DPP6: variants seen among roughly 807,000 people sequenced by gnomAD.
DPP6 encodes the protein dipeptidyl peptidase like 6.
DPP6 carries 69 observed loss-of-function variants against 122.6 expected under a neutral mutation model. The ratio of observed to expected loss-of-function variants is 0.56; its 90% confidence interval spans 0.46 to 0.69. DPP6 has a LOEUF of 0.69. Ranked by LOEUF, DPP6 falls within the 30% of genes least tolerant of loss-of-function variation. The pLI is 0.00. For missense variants in DPP6, 928 were observed against 1,116.9 expected (o/e 0.83, Z 2.41); for synonymous variants, 418 against 433.1 (o/e 0.97, Z 0.43).
intron 17 of DPP6, among the ~76,000 whole-genome samples, chr7:154,854,486 C>T (rs1802657985): frequency 6.6e-6 from 1 of 151,942 alleles, no homozygotes; most frequent in South Asian, 2.1e-4. Context: ...AAGATCCTTG[C>T]TGAAGGCAGG....
intron 1 of DPP6, among the ~76,000 whole-genome samples, chr7:154,329,224 A>G (rs961278706): frequency 2.6e-5 from 4 of 152,240 alleles, no homozygotes; most frequent in African/African-American, 7.2e-5. Flanking sequence ...TGTGCACCAC[A>G]TACAGTCCAG....
intron 1 of DPP6, among the ~76,000 whole-genome samples, chr7:154,444,320 C>A (rs1819673980): frequency 6.6e-6 from 1 of 151,488 alleles, no homozygotes; most frequent in African/African-American, 2.4e-5. Context: ...AAAAAATTAG[C>A]CAGGTGTGAT....
intron 3 of DPP6, among the ~76,000 whole-genome samples, chr7:154,516,622 A>G (rs1826536136): frequency 6.6e-6 from 1 of 152,248 alleles, no homozygotes; most frequent in Non-Finnish European, 1.5e-5. Context: ...CTCTGATTTA[A>G]CACATGGAGT....
At chr7:153,842,061 T>C in the DPP6 span, among the ~76,000 whole-genome samples, 1 of 152,290 alleles carries the variant, frequency 6.6e-6, no homozygotes, top group African/African-American at 2.4e-5. Flanking sequence ...ATTGTGAAAA[T>C]GTACATAGAT....
chr7:153,891,032 T>C (rs1799174900), intron 1 of DPP6, among the ~76,000 whole-genome samples: 1 of 136,506 alleles, frequency 7.3e-6, no homozygotes, highest in Non-Finnish European at 1.6e-5. Context: ...TTTTTTTTTT[T>C]TTTTTTTGAG....
chr7:154,092,766 G>A (rs527844813), intron 1 of DPP6: 26 of 151,906 alleles, frequency 1.7e-4, no homozygotes, highest in African/African-American at 5.6e-4. Context: ...CGATTTTTTC[G>A]GACTATATTC....
chr7:154,002,366 T>A, intron 1 of DPP6, among the ~76,000 whole-genome samples: 1 of 152,128 alleles, frequency 6.6e-6, no homozygotes, highest in East Asian at 1.9e-4. Context: ...ACATATCTCT[T>A]TTATAGACCT....
chr7:154,541,485 A>G (rs1828725080), intron 4 of DPP6, among the ~76,000 whole-genome samples: 1 of 152,208 alleles, frequency 6.6e-6, no homozygotes, highest in East Asian at 1.9e-4. Context: ...GGTTAAAGAT[A>G]TGTATTAGAA....
chr7:154,283,117 A>C (rs918742804), intron 1 of DPP6, among the ~76,000 whole-genome samples: 4 of 152,178 alleles, frequency 2.6e-5, no homozygotes, highest in African/African-American at 4.8e-5. Context: ...GTCTCATCTC[A>C]GCTTATTACC....
chr7:153,904,671 A>G (rs765876185), intron 1 of DPP6, among the ~76,000 whole-genome samples: 3 of 152,236 alleles, frequency 2.0e-5, no homozygotes, highest in Non-Finnish European at 2.9e-5. Flanking sequence ...ACCTCAGTGA[A>G]TAAAATATAG....
chr7:154,105,977 A>T (rs2070837000), intron 1 of DPP6, among the ~76,000 whole-genome samples: 1 of 150,548 alleles, frequency 6.6e-6, no homozygotes, highest in African/African-American at 2.5e-5. Context: ...CCTGTCCCTC[A>T]TGTGTACCCT....
chr7:154,262,097 C>T (rs1803062291), intron 1 of DPP6, among the ~76,000 whole-genome samples: 1 of 151,998 alleles, frequency 6.6e-6, no homozygotes, highest in African/African-American at 2.4e-5. Context: ...ACAGGGTGCA[C>T]TAATAGACTG....
chr7:154,074,454 A>G (rs563805007), intron 1 of DPP6, among the ~76,000 whole-genome samples: 181 of 152,322 alleles, frequency 1.2e-3, no homozygotes, highest in African/African-American at 4.1e-3. Flanking sequence ...CCCCACATGG[A>G]TGCAGAGACA....
chr7:154,575,418 G>GTGTGGTGTGTA (rs1831547628), intron 5 of DPP6, among the ~76,000 whole-genome samples: 1 of 113,810 alleles, frequency 8.8e-6, no homozygotes, highest in East Asian at 4.2e-4. Context: ...GTTTGTGTAT[G>GTGTGGTGTGTA]TGTGTGTGGT....
intron 1 of DPP6, among the ~76,000 whole-genome samples, chr7:154,153,933 A>T (rs560813028): frequency 1.3e-4 from 20 of 152,300 alleles, no homozygotes; most frequent in African/African-American, 4.6e-4. Context: ...CAATGACACC[A>T]ACAGTATCTT....
At chr7:154,882,970 T>C (rs1805522491) in intron 21 of DPP6, among the ~76,000 whole-genome samples, 1 of 152,092 alleles carries the variant, frequency 6.6e-6, no homozygotes, top group Non-Finnish European at 1.5e-5. Context: ...CTGGGTTCTC[T>C]ACACTCCATG....
chr7:153,784,538 C>T, the DPP6 span, among the ~76,000 whole-genome samples: 5 of 152,176 alleles, frequency 3.3e-5, no homozygotes, highest in Non-Finnish European at 7.3e-5. Context: ...TTTTGGATGA[C>T]ATAGTGTGAT....
At position 154,803,925 on chromosome 7, in the gene DPP6, T is replaced by G; in HGVS notation, c.1469T>G (p.Ile490Ser). 6.2e-7 allele frequency: 1 copy of G among 1,613,844 alleles called. No homozygotes were observed. The highest frequency in any genetic ancestry group is 8.5e-7 in the Non-Finnish European group (1 of 1,179,816). The stretch of plus-strand genomic sequence containing the variant: ...TCCGGGGACTGGGACGTGACCAAGA[T>G]CCTAGCCTACGATGAGAAGGGGAAT... ...ITSGDWDVTK[I>S]LAYDEKGNKI... is the part of the protein sequence containing the mutation. Residue 490 changes from isoleucine to serine, a missense_variant, in exon 14 of 26, where the codon ATC becomes AGC. Physicochemically the swap from Ile to Ser is moderately radical, Grantham distance 142. Transcript: ENST00000377770.
At chr7:154,409,304 A>G (rs1301228736) in intron 1 of DPP6, among the ~76,000 whole-genome samples, 1 of 152,168 alleles carries the variant, frequency 6.6e-6, no homozygotes, top group Non-Finnish European at 1.5e-5. Flanking sequence ...TGCACAGAGA[A>G]AAGACCATGA....
Sources: gnomAD v4.1 joint callset for allele counts (sites outside exome capture counted in the v4.1 genomes callset) on GRCh38, gnomAD v4.1.1 for gene constraint, MANE v1.5 for transcripts, NCBI Gene and HGNC (gene_info 2026-07-23, HGNC 2026-07-21) for gene names.